The following SNX33 variants were observed in gnomAD, a reference collection of about 807,000 sequenced individuals.
SNX33 encodes sorting nexin 33.
Under a neutral mutation model 38.8 loss-of-function variants are expected in SNX33, and 19 were observed. The ratio of observed to expected loss-of-function variants is 0.49; its 90% confidence interval spans 0.34 to 0.72. The LOEUF (loss-of-function observed/expected upper bound fraction) is 0.72, where lower values mean the gene tolerates loss of function less well. Ranked by LOEUF, SNX33 falls within the 30% of genes least tolerant of loss-of-function variation. SNX33 has a pLI of 0.01. For missense variants in SNX33, 641 were observed against 776.4 expected, an observed-to-expected ratio of 0.83 and a Z score of 2.07; for synonymous variants, 246 against 289.7, an observed-to-expected ratio of 0.85 and a Z score of 1.53.
Position 75,650,359 on chromosome 15 carries a change from T to A in SNX33, c.1257T>A (p.Ser419Arg), listed in dbSNP as rs774591442. 1.2e-5 allele frequency: 19 copies of A among 1,609,136 alleles called. No homozygotes were observed. The African/African-American group carries it at 2.4e-4, about 20-fold the overall frequency. ...GFRKEFQKLGSAFQAISHSFQ... is the reference protein window; with the variant it reads ...GFRKEFQKLGRAFQAISHSFQ... The stretch of plus-strand genomic sequence containing the variant: ...GCAAGGAATTCCAGAAGCTGGGCAG[T>A]GCCTTCCAGGCCATCAGTCATTCCT... Residue 419 changes from serine to arginine, a missense_variant, in exon 1 of 2, where the codon AGT (serine) becomes AGA (arginine). By Grantham distance (110) the Ser-to-Arg change is moderately radical. This residue lies in a region of SNX33 where 398 missense variants were observed against 542.5 expected (regional missense o/e 0.73). Coordinates refer to ENST00000308527, the MANE Select transcript of SNX33 (RefSeq NM_153271.2). This position sits in a 1 kb window ranked among gnomAD's most constrained non-coding sequence, Gnocchi z 6.1.
chr15:75,654,438 A>C (rs1176164620), intron 1 of SNX33, among the ~76,000 whole-genome samples: 1 of 152,152 alleles, frequency 6.6e-6, no homozygotes, highest in Non-Finnish European at 1.5e-5. Context: ...TCCTGCCCCC[A>C]ACCTGGGGTG....
rs1401194724 is a variant in SNX33 at position 75,649,067 on chromosome 15, T to C, written c.-36T>C. ...AGCATCCCCGGTCTGGGCAGGACCC[T>C]CTCCTTCCCATCTTTCTATACCACC... On this transcript the variant is annotated 5_prime_UTR_variant, in exon 1 of 2. Transcript: ENST00000308527. This position sits in a 1 kb window ranked among gnomAD's most constrained non-coding sequence, Gnocchi z 6.6. The C allele has an allele frequency of 1.9e-6, 3 of 1,547,480 alleles. No homozygotes were observed. Among genetic ancestry groups the C allele is most frequent in the Non-Finnish European group, 1.7e-6 (2 of 1,144,824 alleles).
Position 75,650,048 on chromosome 15 carries a change from C to A in SNX33, c.946C>A (p.His316Asn). ...RKRRLILWMD[H>N]MTSHPVLSQY... is the part of the protein sequence containing the mutation. ...GCGGAGACTCATCCTCTGGATGGAC[C>A]ACATGACCAGCCACCCTGTGCTCTC... The change falls in exon 1 of 2, where the codon CAC becomes AAC. Residue 316 changes from histidine (H) to asparagine (N), a missense_variant. By Grantham distance (68) the His-to-Asn change is moderately conservative. Coordinates refer to ENST00000308527, the MANE Select transcript of SNX33 (RefSeq NM_153271.2). The surrounding 1 kb of genome is among the most constrained non-coding windows in gnomAD (Gnocchi z 6.1). 6.2e-7 allele frequency: 1 copy of A among 1,612,426 alleles called. No homozygotes were observed. Among genetic ancestry groups the A allele is most frequent in the Non-Finnish European group, 8.5e-7 (1 of 1,179,188 alleles).
At position 75,650,251 on chromosome 15, in the gene SNX33, C is replaced by T; in HGVS notation, c.1149C>T (p.Ala383=). 6.3e-7 allele frequency: 1 copy of T among 1,587,454 alleles called. No homozygotes were observed. Among genetic ancestry groups the T allele is most frequent in the Non-Finnish European group, 8.6e-7 (1 of 1,164,766 alleles). ...DVEDRVDTFK[A]FSKKMDDSVL... ...AAGATCGCGTGGACACTTTCAAGGC[C>T]TTCAGTAAGAAGATGGACGACAGCG... The change falls in exon 1 of 2, where the codon GCC becomes GCT. Residue 383 remains alanine (A), a synonymous_variant. Transcript: ENST00000308527. The surrounding 1 kb of genome is among the most constrained non-coding windows in gnomAD (Gnocchi z 6.1).
chr15:75,653,827 T>A (rs1219175687), intron 1 of SNX33, among the ~76,000 whole-genome samples: 1 of 152,116 alleles, frequency 6.6e-6, no homozygotes, highest in Non-Finnish European at 1.5e-5. Flanking sequence ...TAGCCTTCCC[T>A]CTACCGCTCA....
chr15:75,652,524 C>T (rs1893598562), intron 1 of SNX33, among the ~76,000 whole-genome samples: 1 of 152,222 alleles, frequency 6.6e-6, no homozygotes, highest in Non-Finnish European at 1.5e-5. Context: ...ACACCAGGGC[C>T]TCCCAGGCTG....
At position 75,659,550 on chromosome 15, in the gene SNX33, TCTC is replaced by T. The variant is rs1048796551; in HGVS notation, c.*2336_*2338del. ...GAGGAACTTCCCGCCCTTAACCTCT[TCTC>T]AGCTCTGCCATCCATGTAGCCATCT... On this transcript the variant is annotated 3_prime_UTR_variant, in exon 2 of 2. Coordinates refer to ENST00000308527, the MANE Select transcript of SNX33 (RefSeq NM_153271.2). The T allele has an allele frequency of 2.0e-5, 3 of 152,424 alleles. No individual in the cohort carries two copies. The highest frequency in any genetic ancestry group is 7.2e-5 in the African/African-American group (3 of 41,448). 9.4% of individuals were successfully genotyped at this position (152,424 alleles called of 1,614,324 possible).
At chr15:75,651,632 TGAG>T (rs1317361769) in intron 1 of SNX33, among the ~76,000 whole-genome samples, 3 of 152,242 alleles carry the variant, frequency 2.0e-5, no homozygotes, top group Non-Finnish European at 4.4e-5. Flanking sequence ...TCTTCTTGCC[TGAG>T]GAGAGAGCCA....
chr15:75,651,418 G>C (rs1173324484), intron 1 of SNX33, among the ~76,000 whole-genome samples: 1 of 152,188 alleles, frequency 6.6e-6, no homozygotes, highest in Non-Finnish European at 1.5e-5. Context: ...GCCTAGCCAT[G>C]TTTTCAGTTC....
chr15:75,649,154 G>A lies in SNX33; in HGVS notation c.52G>A (p.Glu18Lys), dbSNP rs1383358839. The A allele has an allele frequency of 3.1e-6, 5 of 1,613,052 alleles. No individual in the cohort carries two copies. Among genetic ancestry groups the A allele is most frequent in the Non-Finnish European group, 4.2e-6 (5 of 1,179,370 alleles). The change falls in exon 1 of 2, where the codon GAA (glutamate) becomes AAA (lysine). Residue 18 changes from glutamate (E) to lysine (K), a missense_variant. Transcript: ENST00000308527. This position sits in a 1 kb window ranked among gnomAD's most constrained non-coding sequence, Gnocchi z 6.6. The part of the protein sequence containing the change: ...LYDFHSENKE[E>K]ISIQQDEDLV... ...TGACTTTCACAGTGAGAACAAGGAG[G>A]AAATCAGCATCCAGCAGGATGAGGA...
At position 75,658,463 on chromosome 15, in the gene SNX33, G is replaced by A. The variant is rs1230031992; in HGVS notation, c.*1248G>A. On this transcript the variant is annotated 3_prime_UTR_variant, in exon 2 of 2. Coordinates refer to ENST00000308527, the MANE Select transcript of SNX33 (RefSeq NM_153271.2). The surrounding 1 kb of genome is among the most constrained non-coding windows in gnomAD (Gnocchi z 4.1). The stretch of plus-strand genomic sequence containing the variant: ...GTCTCTGACCTATGTTTACATCCCC[G>A]AGGGGTTTCTGCCTCCTCCCCACCC... The A allele has an allele frequency of 6.6e-6, 1 of 152,586 alleles. No homozygotes were observed. The highest frequency in any genetic ancestry group is 1.5e-5 in the Non-Finnish European group (1 of 68,044). 9.5% of individuals were successfully genotyped at this position (152,586 alleles called of 1,614,324 possible).
At chr15:75,654,960 A>G (rs1414818763) in intron 1 of SNX33, among the ~76,000 whole-genome samples, 2 of 152,248 alleles carry the variant, frequency 1.3e-5, no homozygotes, top group Non-Finnish European at 2.9e-5. Flanking sequence ...CTTTCTCGGC[A>G]GGTGGAATCC....
intron 1 of SNX33, among the ~76,000 whole-genome samples, chr15:75,653,832 C>T (rs545382475): frequency 8.5e-5 from 13 of 152,204 alleles, no homozygotes; most frequent in Admixed American, 6.5e-4. Context: ...TTCCCTCTAC[C>T]GCTCATCCTG....
chr15:75,652,473 G>A (rs1893597823), intron 1 of SNX33, among the ~76,000 whole-genome samples: 1 of 152,238 alleles, frequency 6.6e-6, no homozygotes. Context: ...CCCACCCAGA[G>A]CAGAGCTGAG....
rs938661715 is a variant in SNX33, at chr15:75,659,942, T to C, written c.*2727T>C. The C allele has an allele frequency of 3.3e-5, 5 of 149,710 alleles. No homozygotes were observed. The highest frequency in any genetic ancestry group is 7.4e-5 in the Non-Finnish European group (5 of 67,644). 9.3% of individuals were successfully genotyped at this position (149,710 alleles called of 1,614,324 possible). A position where few individuals can be genotyped will look rare whatever the true frequency, so the allele number is the denominator to read the frequency against. ...CTCCTCTCTCTTTTCTTTCTGCCTC[T>C]ATGGGGGTGGGGGTATTGGGGGAAC... On this transcript the variant is annotated 3_prime_UTR_variant, in exon 2 of 2. Transcript: ENST00000308527.
chr15:75,657,034 G>A lies in SNX33; in HGVS notation c.1544G>A (p.Gly515Asp). ...EGRMVQDEADGIRRRCRVVGF... is the reference protein window; with the variant it reads ...EGRMVQDEADDIRRRCRVVGF... ...CGCATGGTGCAGGACGAGGCAGACGGCATTCGCAGGCGCTGCCGCGTGGTG... is the reference window on the plus strand; with the variant it reads ...CGCATGGTGCAGGACGAGGCAGACGACATTCGCAGGCGCTGCCGCGTGGTG... The change falls in exon 2 of 2, where the codon GGC becomes GAC. Residue 515 changes from glycine to aspartate, a missense_variant. Coordinates refer to ENST00000308527, the MANE Select transcript of SNX33 (RefSeq NM_153271.2). This position sits in a 1 kb window ranked among gnomAD's most constrained non-coding sequence, Gnocchi z 5.5. The A allele has an allele frequency of 6.2e-7, 1 of 1,614,152 alleles. No homozygotes were observed. Among genetic ancestry groups the A allele is most frequent in the South Asian group, 1.1e-5 (1 of 91,082 alleles).
chr15:75,649,302 A>G lies in SNX33; in HGVS notation c.200A>G (p.His67Arg), dbSNP rs777717282. The G allele has an allele frequency of 7.5e-6, 12 of 1,606,388 alleles. No homozygotes were observed. The South Asian group carries it at 8.9e-5, about 12-fold the overall frequency. The change falls in exon 1 of 2, where the codon CAT becomes CGT. Residue 67 changes from histidine to arginine, a missense_variant. Transcript: ENST00000308527. This position sits in a 1 kb window ranked among gnomAD's most constrained non-coding sequence, Gnocchi z 6.6. Reference protein sequence around the residue: ...EIVRSGISTNHADYSSSPAGS... With the variant: ...EIVRSGISTNRADYSSSPAGS... Reference sequence around the variant, plus strand: ...GTCCGTTCTGGCATCAGCACCAACCATGCTGACTACTCCAGCAGCCCTGCA... The same window carrying G: ...GTCCGTTCTGGCATCAGCACCAACCGTGCTGACTACTCCAGCAGCCCTGCA...
In SNX33 at chr15:75,650,318, C is replaced by T. The variant is rs1893562062; in HGVS notation, c.1216C>T (p.His406Tyr). 1 of 1,596,926 alleles carries T rather than the reference C, an allele frequency of 6.3e-7. No homozygotes were observed. ...TGTGGCATCAGAGCTGGTGCGTAAA[C>T]ATGTGGGGGGCTTCCGCAAGGAATT... ...STVASELVRK[H>Y]VGGFRKEFQK... Residue 406 changes from histidine (H) to tyrosine (Y), a missense_variant, in exon 1 of 2, where the codon CAT (histidine) becomes TAT (tyrosine). Transcript: ENST00000308527. The surrounding 1 kb of genome is among the most constrained non-coding windows in gnomAD (Gnocchi z 6.1).
chr15:75,649,863 TCA>T lies in SNX33; in HGVS notation c.765_766del (p.Pro256HisfsTer15). The T allele has an allele frequency of 2.6e-6, 4 of 1,534,656 alleles. No individual in the cohort carries two copies. The highest frequency in any genetic ancestry group is 3.5e-6 in the Non-Finnish European group (4 of 1,142,968). ...ATCAAAAGCTACATCTCCTACAAGC[TCA>T]CACCCACCCATGCTGCCTCACCCGT... is the stretch of plus-strand genomic sequence containing the variant. On this transcript the variant is annotated frameshift_variant, in exon 1 of 2. Coordinates refer to ENST00000308527, the MANE Select transcript of SNX33 (RefSeq NM_153271.2). LOFTEE classifies it high-confidence loss of function. The surrounding 1 kb of genome is among the most constrained non-coding windows in gnomAD (Gnocchi z 6.6).
Sources: allele counts gnomAD v4.1 joint callset (sites outside exome capture counted in the v4.1 genomes callset), GRCh38; gene constraint gnomAD v4.1.1; regional missense constraint gnomAD v4.1.1; non-coding constraint Gnocchi (gnomAD v3.1); transcripts MANE v1.5; gene names NCBI Gene and HGNC (gene_info 2026-07-23, HGNC 2026-07-21).